DEPDC1B: variants seen among roughly 807,000 people sequenced by gnomAD.
The protein encoded by DEPDC1B is DEP domain-containing protein 1B.
DEPDC1B carries 51 observed loss-of-function variants against 66.5 expected under a neutral mutation model. That is an observed-to-expected ratio of 0.77 (90% CI 0.61 to 0.97). The LOEUF (loss-of-function observed/expected upper bound fraction) is 0.97, where lower values mean the gene tolerates loss of function less well. Ranked by LOEUF, DEPDC1B falls within the 50% of genes least tolerant of loss-of-function variation. The pLI, the probability that DEPDC1B is intolerant of heterozygous loss-of-function variation, is 0.00. For missense variants in DEPDC1B, 552 were observed against 637.1 expected, an observed-to-expected ratio of 0.87 and a Z score of 1.44; for synonymous variants, 226 against 223.6, an observed-to-expected ratio of 1.01 and a Z score of -0.10.
At chr5:60,690,513 T>C (rs934573577) in intron 1 of DEPDC1B, among the ~76,000 whole-genome samples, 4 of 152,244 alleles carry the variant, frequency 2.6e-5, no homozygotes, top group Non-Finnish European at 5.9e-5. Flanking sequence ...TCTAATTTCT[T>C]TCTACATAAT....
chr5:60,657,020 A>G, intron 2 of DEPDC1B, among the ~76,000 whole-genome samples: 1 of 152,222 alleles, frequency 6.6e-6, no homozygotes, highest in East Asian at 1.9e-4. Context: ...CTGTTGGAAC[A>G]GTCCTTTTTA....
intron 7 of DEPDC1B, among the ~76,000 whole-genome samples, chr5:60,610,490 T>C (rs892410302): frequency 1.3e-5 from 2 of 152,196 alleles, no homozygotes; most frequent in African/African-American, 2.4e-5. Flanking sequence ...TGTGCACTAA[T>C]AGATAAGATT....
intron 7 of DEPDC1B, among the ~76,000 whole-genome samples, chr5:60,621,528 C>T (rs1752701335): frequency 6.6e-6 from 1 of 151,596 alleles, no homozygotes; most frequent in South Asian, 2.1e-4. Flanking sequence ...ACACCGGGGC[C>T]TGTCCTGGGG....
intron 8 of DEPDC1B, among the ~76,000 whole-genome samples, chr5:60,604,215 A>ATTTTTTTT (rs1323826916): frequency 7.3e-4 from 44 of 60,048 alleles, no homozygotes; most frequent in African/African-American, 1.3e-3. Flanking sequence ...GAAATTAACT[A>ATTTTTTTT]TTCTTTTTTT....
chr5:60,670,687 G>T (rs1027812500), intron 2 of DEPDC1B, among the ~76,000 whole-genome samples: 121 of 152,274 alleles, frequency 7.9e-4, no homozygotes, highest in African/African-American at 2.8e-3. Flanking sequence ...TATCCCCCTA[G>T]GAAGAATACA....
chr5:60,632,848 A>G (rs2111829038), intron 7 of DEPDC1B, among the ~76,000 whole-genome samples: 1 of 152,344 alleles, frequency 6.6e-6, no homozygotes, highest in South Asian at 2.1e-4. Context: ...TGTTGGGGAC[A>G]GGAGACTGAG....
intron 9 of DEPDC1B, among the ~76,000 whole-genome samples, chr5:60,601,835 T>C (rs1752204325): frequency 6.6e-6 from 1 of 152,126 alleles, no homozygotes; most frequent in African/African-American, 2.4e-5. Flanking sequence ...CCCACATGTA[T>C]TTTAATCACA....
intron 2 of DEPDC1B, among the ~76,000 whole-genome samples, chr5:60,651,928 A>G (rs1753466877): frequency 1.3e-5 from 2 of 152,222 alleles, no homozygotes; most frequent in Non-Finnish European, 2.9e-5. Context: ...GGATTGTGCC[A>G]ATTTAAGAAT....
intron 7 of DEPDC1B, among the ~76,000 whole-genome samples, chr5:60,623,527 T>G (rs1029733037): frequency 2.6e-5 from 4 of 152,258 alleles, no homozygotes; most frequent in African/African-American, 9.6e-5. Context: ...CCAAATAAAT[T>G]TTACAAAATG....
intron 2 of DEPDC1B, among the ~76,000 whole-genome samples, chr5:60,667,540 T>TAAAAAATGGATATTTTACATATATAC (rs1753875846): frequency 4.5e-5 from 5 of 110,564 alleles, no homozygotes; most frequent in Admixed American, 3.1e-4. Context: ...TACATATATA[T>TAAAAAATGGATATTTTACATATATAC]AAAAAATGGA....
chr5:60,649,180 A>G (rs1360194387), intron 2 of DEPDC1B, among the ~76,000 whole-genome samples: 3 of 152,320 alleles, frequency 2.0e-5, no homozygotes, highest in East Asian at 1.9e-4. Flanking sequence ...TTTGGAAAGT[A>G]TAAGTCTCTC....
intron 2 of DEPDC1B, among the ~76,000 whole-genome samples, chr5:60,673,322 T>C (rs1287687598): frequency 2.6e-5 from 4 of 152,112 alleles, no homozygotes; most frequent in Non-Finnish European, 4.4e-5. Flanking sequence ...AACTAAACTA[T>C]AGATAGGGGC....
At chr5:60,654,016 C>A (rs1753519684) in intron 2 of DEPDC1B, among the ~76,000 whole-genome samples, 1 of 149,322 alleles carries the variant, frequency 6.7e-6, no homozygotes, top group Non-Finnish European at 1.5e-5. Flanking sequence ...AGGTTTATAG[C>A]ATAGCTTGAA....
At chr5:60,645,996 G>A (rs1753306891) in intron 3 of DEPDC1B, among the ~76,000 whole-genome samples, 1 of 152,154 alleles carries the variant, frequency 6.6e-6, no homozygotes, top group African/African-American at 2.4e-5. Flanking sequence ...ACACTGTACA[G>A]ACTGATTATT....
chr5:60,699,089 T>C (rs187516705), intron 1 of DEPDC1B, among the ~76,000 whole-genome samples: 97 of 152,300 alleles, frequency 6.4e-4, no homozygotes, highest in African/African-American at 2.1e-3. Flanking sequence ...CTGGCTTGAC[T>C]TACTGGTATA....
rs1458197497 is a variant in DEPDC1B, at chr5:60,699,448, A to AAAAAAC, written c.48+597_48+598insGTTTTT. On this transcript the variant is annotated intron_variant, in intron 1 of 10. Transcript: ENST00000265036. Reference sequence around the variant, plus strand: ...ATACCAAAGCTTTTCTCCCAGAAAAAAAAAAAAAAAAAAACAGGAACTCAG... The same window carrying AAAAAAC: ...ATACCAAAGCTTTTCTCCCAGAAAAAAAAAACAAAAAAAAAAAAAACAGGAACTCAG... Among the ~76,000 whole-genome samples the AAAAAAC allele has an allele frequency of 2.5e-4, 37 of 149,232 alleles. 1 individual carries two copies. Among genetic ancestry groups the AAAAAAC allele is most frequent in the Non-Finnish European group, 4.3e-4 (29 of 67,582 alleles).
Position 60,686,985 on chromosome 5 carries a change from A to C in DEPDC1B, c.291T>G (p.Phe97Leu). 1.2e-6 allele frequency: 2 copies of C among 1,614,218 alleles called. No homozygotes were observed. Among genetic ancestry groups the C allele is most frequent in the Non-Finnish European group, 1.7e-6 (2 of 1,180,034 alleles). The part of the protein sequence containing the change: ...DIKGKWGEED[F>L]EDNRHLYRFP... ...ACCTGTATAAGTGACGATTGTCTTC[A>C]AAATCTTCCTCACCCCATTTTCCCT... The change falls in exon 2 of 11, where the codon TTT (phenylalanine) becomes TTG (leucine). Residue 97 changes from phenylalanine (F) to leucine (L), a missense_variant. Physicochemically the swap from Phe to Leu is conservative, Grantham distance 22. Coordinates refer to ENST00000265036, the MANE Select transcript of DEPDC1B (RefSeq NM_018369.3).
chr5:60,634,058 T>C (rs1272947243), intron 7 of DEPDC1B, among the ~76,000 whole-genome samples: 5 of 152,180 alleles, frequency 3.3e-5, no homozygotes, highest in Non-Finnish European at 4.4e-5. Flanking sequence ...TGGCATGCAG[T>C]AGAGTCTGCA....
intron 6 of DEPDC1B, among the ~76,000 whole-genome samples, chr5:60,642,091 T>A (rs1753203958): frequency 6.6e-6 from 1 of 152,280 alleles, no homozygotes; most frequent in South Asian, 2.1e-4. Flanking sequence ...GTTTACTAAT[T>A]CACGAATTTA....
Sources: allele counts gnomAD v4.1 joint callset (sites outside exome capture counted in the v4.1 genomes callset), GRCh38; gene constraint gnomAD v4.1.1; transcripts MANE v1.5; gene names NCBI Gene and HGNC (gene_info 2026-07-23, HGNC 2026-07-21).